The following GNAZ variants were observed in gnomAD, a reference collection of about 807,000 sequenced individuals.
GNAZ encodes the protein guanine nucleotide-binding protein G(z) subunit alpha.
In GNAZ, 3 loss-of-function variants were observed where a neutral mutation model predicts 25.4. The ratio of observed to expected loss-of-function variants is 0.12; its 90% CI spans 0.05 to 0.30. The LOEUF (loss-of-function observed/expected upper bound fraction) is 0.30, where lower values mean the gene tolerates loss of function less well. Ranked by LOEUF, GNAZ falls within the 10% of genes least tolerant of loss-of-function variation. GNAZ has a pLI of 1.00. For synonymous variants in GNAZ, 211 were observed against 205.7 expected (o/e 1.03, Z -0.22); for missense variants, 241 against 501.8 (o/e 0.48, Z 4.97).
intron 1 of GNAZ, among the ~76,000 whole-genome samples, chr22:23,092,718 C>T (rs1487636042): frequency 6.6e-6 from 1 of 152,242 alleles, no homozygotes; most frequent in African/African-American, 2.4e-5. Context: ...CCCCAACCTG[C>T]TCTCCTGATT....
chr22:23,096,301 G>A lies in GNAZ; in HGVS notation c.606G>A (p.Val202=), dbSNP rs201266285. 15 of 1,613,738 alleles carry A rather than the reference G, an allele frequency of 9.3e-6. No homozygotes were observed. Among genetic ancestry groups the A allele is most frequent in the African/African-American group, 4.0e-5 (3 of 74,928 alleles). Residue 202 remains valine (V), a synonymous_variant, in exon 2 of 3, where the codon GTG becomes GTA. Transcript: ENST00000615612. ...AGCTCACCTTCAAGATGGTGGACGT[G>A]GGGGGGCAGAGGTCAGAGCGCAAAA... ...FKELTFKMVD[V]GGQRSERKKW...
rs550123616 is a variant in GNAZ at position 23,117,356 on chromosome 22, G to A, written c.724-5731G>A. ...CATCACATCGGCCATTGCATCTCCA[G>A]GCTAAGGGGCCACAGGAGCCTCCCA... On this transcript the variant is annotated intron_variant, in intron 2 of 2. Coordinates refer to ENST00000615612, the MANE Select transcript of GNAZ (RefSeq NM_002073.4). 2.0e-4 allele frequency among the ~76,000 whole-genome samples: 31 copies of A among 152,358 alleles called. No homozygotes were observed. In the East Asian group the frequency reaches 5.6e-3, roughly 27 times the overall value.
chr22:23,071,854 G>A lies in GNAZ; in HGVS notation c.-450+1284G>A, dbSNP rs1283731766. Among the ~76,000 whole-genome samples the A allele has an allele frequency of 6.6e-6, 1 of 152,198 alleles. No homozygotes were observed. Among genetic ancestry groups the A allele is most frequent in the Non-Finnish European group, 1.5e-5 (1 of 68,030 alleles). On this transcript the variant is annotated intron_variant, in intron 1 of 2. Coordinates refer to ENST00000615612, the MANE Select transcript of GNAZ (RefSeq NM_002073.4). The surrounding 1 kb of genome is among the most constrained non-coding windows in gnomAD (Gnocchi z 4.1). Reference sequence around the variant, plus strand: ...GGCAGAGAGGAGAGAATAGACCGAGGCACTTGGGCAGTTAGGTCTGATGGG... The same window carrying A: ...GGCAGAGAGGAGAGAATAGACCGAGACACTTGGGCAGTTAGGTCTGATGGG...
At chr22:23,117,087 G>T (rs190193383) in intron 2 of GNAZ, among the ~76,000 whole-genome samples, 281 of 152,286 alleles carry the variant, frequency 1.8e-3, no homozygotes, top group Non-Finnish European at 3.1e-3. Flanking sequence ...CATCCAGCTG[G>T]GATGCAGGAA....
At chr22:23,073,310 ACAGAGGCGT>A (rs2068424178) in intron 1 of GNAZ, among the ~76,000 whole-genome samples, 1 of 152,236 alleles carries the variant, frequency 6.6e-6, no homozygotes, top group South Asian at 2.1e-4. Context: ...AGCGAAATGA[ACAGAGGCGT>A]CAGTGCAGAT....
chr22:23,093,716 G>C (rs1366384282), intron 1 of GNAZ, among the ~76,000 whole-genome samples: 1 of 152,228 alleles, frequency 6.6e-6, no homozygotes, highest in African/African-American at 2.4e-5. Context: ...ACCTGGGAGA[G>C]GCAAGCAAGG....
At chr22:23,074,908 C>G (rs546619500) in intron 1 of GNAZ, among the ~76,000 whole-genome samples, 98 of 152,252 alleles carry the variant, frequency 6.4e-4, no homozygotes, top group African/African-American at 2.2e-3. Flanking sequence ...ATGGCGCACA[C>G]CTGTAATCCT....
Position 23,100,016 on chromosome 22 carries a change from G to T in GNAZ, c.723+3598G>T, listed in dbSNP as rs529974236. ...GTTGTAAAGCATCAAATGTTCTCAT[G>T]TGGAAACCCACAGGGAGCTCACTGC... is the stretch of plus-strand genomic sequence containing the variant. On this transcript the variant is annotated intron_variant, in intron 2 of 2. Coordinates refer to ENST00000615612, the MANE Select transcript of GNAZ (RefSeq NM_002073.4). Among the ~76,000 whole-genome samples, 8 of 152,386 alleles carry T rather than the reference G, an allele frequency of 5.2e-5. No homozygotes were observed. In the Middle Eastern group the frequency reaches 0.014, roughly 259 times the overall value.
At chr22:23,088,396 A>G (rs2068873714) in intron 1 of GNAZ, among the ~76,000 whole-genome samples, 1 of 152,298 alleles carries the variant, frequency 6.6e-6, no homozygotes, top group African/African-American at 2.4e-5. Flanking sequence ...GAGATCTGTC[A>G]CTGCGCGGGC....
chr22:23,101,635 G>A (rs2069305506), intron 2 of GNAZ, among the ~76,000 whole-genome samples: 2 of 152,234 alleles, frequency 1.3e-5, no homozygotes, highest in South Asian at 4.1e-4. Context: ...GACACACACA[G>A]GTCTCCCAAG....
chr22:23,083,221 G>A (rs1034184911), intron 1 of GNAZ, among the ~76,000 whole-genome samples: 1 of 152,124 alleles, frequency 6.6e-6, no homozygotes, highest in African/African-American at 2.4e-5. Context: ...GAAGCAAGAG[G>A]GCTGTGGGAG....
chr22:23,090,121 C>T (rs575974693), intron 1 of GNAZ, among the ~76,000 whole-genome samples: 56 of 152,250 alleles, frequency 3.7e-4, no homozygotes, highest in African/African-American at 1.3e-3. Flanking sequence ...TGATACAGTC[C>T]ACTCATCTGT....
intron 1 of GNAZ, among the ~76,000 whole-genome samples, chr22:23,073,810 A>G (rs2068438399): frequency 6.6e-6 from 1 of 152,222 alleles, no homozygotes; most frequent in Non-Finnish European, 1.5e-5. Flanking sequence ...GCAGGGGTAC[A>G]GCAGGGACGT....
At chr22:23,084,068 T>C (rs1388685112) in intron 1 of GNAZ, among the ~76,000 whole-genome samples, 1 of 152,110 alleles carries the variant, frequency 6.6e-6, no homozygotes, top group Non-Finnish European at 1.5e-5. Flanking sequence ...AGGCGATCTT[T>C]CCCCAGAGGG....
chr22:23,094,582 A>G (rs536230276), intron 1 of GNAZ, among the ~76,000 whole-genome samples: 69 of 151,912 alleles, frequency 4.5e-4, no homozygotes, highest in Non-Finnish European at 9.0e-4. Flanking sequence ...GCCCCCCTCT[A>G]CCTCCTTCTG....
chr22:23,113,192 C>T (rs972607666), intron 2 of GNAZ, among the ~76,000 whole-genome samples: 4 of 152,180 alleles, frequency 2.6e-5, no homozygotes, highest in African/African-American at 7.2e-5. Context: ...AGTGTTCTGA[C>T]GTTGGCTAAA....
At chr22:23,099,906 A>G (rs956559802) in intron 2 of GNAZ, among the ~76,000 whole-genome samples, 1 of 152,222 alleles carries the variant, frequency 6.6e-6, no homozygotes, top group Non-Finnish European at 1.5e-5. Flanking sequence ...TTGTTGCCCA[A>G]CCTCTGCCCT....
At chr22:23,106,279 G>A (rs2069473732) in intron 2 of GNAZ, among the ~76,000 whole-genome samples, 1 of 152,244 alleles carries the variant, frequency 6.6e-6, no homozygotes, top group Non-Finnish European at 1.5e-5. Flanking sequence ...AAGGGGGGTG[G>A]CGCCTTGGGC....
At chr22:23,072,114 G>A (rs1239046397) in intron 1 of GNAZ, among the ~76,000 whole-genome samples, 1 of 152,202 alleles carries the variant, frequency 6.6e-6, no homozygotes, top group African/African-American at 2.4e-5. Flanking sequence ...TGCAGTCTGA[G>A]ACTGTGCTTC....
Sources: gnomAD v4.1 joint callset for allele counts (sites outside exome capture counted in the v4.1 genomes callset) on GRCh38, gnomAD v4.1.1 for gene constraint, Gnocchi (gnomAD v3.1) non-coding constraint, MANE v1.5 for transcripts, NCBI Gene and HGNC (gene_info 2026-07-23, HGNC 2026-07-21) for gene names.